The following MAPKAPK5 variants were observed in gnomAD, a reference collection of about 807,000 sequenced individuals.
MAPKAPK5 encodes MAP kinase-activated protein kinase 5.
Under a neutral mutation model 65.1 loss-of-function variants are expected in MAPKAPK5, and 30 were observed. That is an observed-to-expected ratio of 0.46 (90% CI 0.34 to 0.63). The LOEUF is 0.63. MAPKAPK5 is among the 20% of genes least tolerant of loss of function. The probability of loss-of-function intolerance (pLI) is 0.01; values close to 1 mark genes in which losing one functional copy is unlikely to be tolerated. For synonymous variants in MAPKAPK5, 179 were observed against 204.6 expected, an observed-to-expected ratio of 0.87 and a Z score of 1.07; for missense variants, 433 against 581.4, an observed-to-expected ratio of 0.74 and a Z score of 2.63.
chr12:111,865,470 T>C, intron 2 of MAPKAPK5, 147 bp downstream of exon 2: 1 of 636,340 alleles, frequency 1.6e-6, no homozygotes, highest in Non-Finnish European at 2.8e-6. Context: ...GTTTTTATGT[T>C]AGGCTTTTTC....
intron 1 of MAPKAPK5, among the ~76,000 whole-genome samples, chr12:111,846,324 A>T (rs886617401): frequency 6.6e-5 from 10 of 152,208 alleles, no homozygotes; most frequent in African/African-American, 2.4e-4. Flanking sequence ...GCCTCCAGCC[A>T]CAACACTTTA....
chr12:111,889,196 A>G (rs1429315053), intron 12 of MAPKAPK5, 196 bp downstream of exon 12: 17 of 514,382 alleles, frequency 3.3e-5, no homozygotes, highest in Admixed American at 1.1e-4. Flanking sequence ...GAGCTTAGAA[A>G]TGCAGTTAAG....
intron 1 of MAPKAPK5, among the ~76,000 whole-genome samples, chr12:111,850,905 T>C (rs1017612490): frequency 1.0e-5 from 1 of 98,776 alleles, no homozygotes; most frequent in Non-Finnish European, 2.1e-5. Context: ...TTTTCTTTTT[T>C]TTTTTTTTTT....
chr12:111,874,410 T>A (rs910820728), intron 7 of MAPKAPK5, among the ~76,000 whole-genome samples: 3 of 151,176 alleles, frequency 2.0e-5, no homozygotes, highest in Non-Finnish European at 4.4e-5. Context: ...AAAAAAAAAT[T>A]CATTTTCTAA....
intron 7 of MAPKAPK5, among the ~76,000 whole-genome samples, chr12:111,877,821 T>C (rs2070040465): frequency 6.6e-6 from 1 of 151,796 alleles, no homozygotes; most frequent in Non-Finnish European, 1.5e-5. Context: ...GCTGGGACCA[T>C]AGGCATACGC....
chr12:111,882,622 G>C (rs567213878), intron 8 of MAPKAPK5, among the ~76,000 whole-genome samples: 3 of 152,218 alleles, frequency 2.0e-5, no homozygotes. Flanking sequence ...CCTTTATGCA[G>C]TGATATAGGC....
At chr12:111,872,170 C>A (rs189064783) in intron 7 of MAPKAPK5, among the ~76,000 whole-genome samples, 25 of 152,240 alleles carry the variant, frequency 1.6e-4, no homozygotes, top group African/African-American at 6.0e-4. Flanking sequence ...GGGACATGTT[C>A]CCCCATGCCC....
chr12:111,879,965 C>A (rs1373508994), intron 7 of MAPKAPK5: 1 of 189,236 alleles, frequency 5.3e-6, no homozygotes, highest in Non-Finnish European at 1.1e-5. Flanking sequence ...AATGTTGTGA[C>A]CCCCTCTGGA....
chr12:111,886,140 G>A lies in MAPKAPK5; in HGVS notation c.969+104G>A. On this transcript the variant is annotated intron_variant, in intron 10 of 13. Transcript: ENST00000550735. Reference sequence around the variant, plus strand: ...AGAGGCAAAACAGTGCAGAGTACACGATCCTTCCCAGAGAAACATCTCTGG... The same window carrying A: ...AGAGGCAAAACAGTGCAGAGTACACAATCCTTCCCAGAGAAACATCTCTGG... 7 of 1,478,894 alleles carry A rather than the reference G, an allele frequency of 4.7e-6. No individual in the cohort carries two copies. In the East Asian group the frequency reaches 1.4e-4, roughly 29 times the overall value. The allele number at this position is 1,478,894 out of a possible 1,614,324, so 91.6% of individuals were successfully genotyped here.
At chr12:111,860,494 C>G (rs1354701463) in intron 1 of MAPKAPK5, among the ~76,000 whole-genome samples, 1 of 152,228 alleles carries the variant, frequency 6.6e-6, no homozygotes, top group Admixed American at 6.5e-5. Flanking sequence ...TTTCCATCCA[C>G]ATTCACCACT....
At position 111,900,347 on chromosome 12, in the gene MAPKAPK5, A is replaced by T. The variant is rs139354009; in HGVS notation, c.*7286A>T. The T allele has an allele frequency of 4.4e-6, 2 of 456,082 alleles. No individual in the cohort carries two copies. The highest frequency in any genetic ancestry group is 8.8e-6 in the Non-Finnish European group (2 of 226,784). 28.3% of individuals were successfully genotyped at this position (456,082 alleles called of 1,614,324 possible). ...ATCATGAAGATGTGCTGTTGTTTGC[A>T]GCCCTGATGGCCCATGAGCTCGGGC... On this transcript the variant is annotated 3_prime_UTR_variant, in exon 14 of 14. Transcript: ENST00000550735.
chr12:111,842,951 GGT>G (rs1295402098), intron 1 of MAPKAPK5, 182 bp downstream of exon 1: 1 of 471,790 alleles, frequency 2.1e-6, no homozygotes, highest in African/African-American at 2.0e-5. Context: ...TGTGGGTGTA[GGT>G]GTGTGTCCGA....
intron 1 of MAPKAPK5, chr12:111,843,161 C>T: frequency 5.0e-6 from 2 of 398,650 alleles, no homozygotes; most frequent in East Asian, 3.6e-5. Flanking sequence ...ATTTATCCAT[C>T]CCTCCCGATT....
intron 9 of MAPKAPK5, 69 bp from the exon 10 acceptor site, chr12:111,885,847 G>A: frequency 6.2e-7 from 1 of 1,604,724 alleles, no homozygotes; most frequent in Non-Finnish European, 8.5e-7. Context: ...TTAGAGCCAG[G>A]TCCAGGAACT....
At position 111,885,971 on chromosome 12, in the gene MAPKAPK5, C is replaced by G. The variant is rs1209613106; in HGVS notation, c.904C>G (p.Pro302Ala). 2.5e-6 allele frequency: 4 copies of G among 1,613,918 alleles called. No homozygotes were observed. Among genetic ancestry groups the G allele is most frequent in the Non-Finnish European group, 3.4e-6 (4 of 1,179,862 alleles). Residue 302 changes from proline (P) to alanine (A), a missense_variant, in exon 10 of 14, where the codon CCC (proline) becomes GCC (alanine). By Grantham distance (27) the Pro-to-Ala change is conservative. Around this residue, in one of 3 missense-constraint regions of MAPKAPK5, gnomAD observed 169 missense variants for 215.6 expected, o/e 0.78. Transcript: ENST00000550735. Reference sequence around the variant, plus strand: ...CACCATCGAGGGAGTGCTGGACCACCCCTGGCTCAATTCCACCGAGGCCCT... The same window carrying G: ...CACCATCGAGGGAGTGCTGGACCACGCCTGGCTCAATTCCACCGAGGCCCT... Reference protein sequence around the residue: ...RLTIEGVLDHPWLNSTEALDN... With the variant: ...RLTIEGVLDHAWLNSTEALDN...
rs977830855 is a variant in MAPKAPK5, at chr12:111,899,746, A to G, written c.*6685A>G. 1.2e-5 allele frequency: 4 copies of G among 337,222 alleles called. No homozygotes were observed. Among genetic ancestry groups the G allele is most frequent in the Admixed American group, 3.7e-5 (1 of 26,778 alleles). The allele number at this position is 337,222 out of a possible 1,614,324, so 20.9% of individuals were successfully genotyped here. ...GTGTCAGGTTCTTTTGTTTCTGTCAACATCTGTGCAGGTCTCAGGGGCACA... is the reference window on the plus strand; with the variant it reads ...GTGTCAGGTTCTTTTGTTTCTGTCAGCATCTGTGCAGGTCTCAGGGGCACA... On this transcript the variant is annotated 3_prime_UTR_variant, in exon 14 of 14. Transcript: ENST00000550735.
In MAPKAPK5 at chr12:111,901,758, TG is replaced by T. The variant is rs1466770053; in HGVS notation, c.*8700del. ...TATATCAAACTCCTCAAGTACTGAGTGGGAATGAGATGTTTGGTGAAGTAGA... is the reference window on the plus strand; with the variant it reads ...TATATCAAACTCCTCAAGTACTGAGTGGAATGAGATGTTTGGTGAAGTAGA... On this transcript the variant is annotated 3_prime_UTR_variant, in exon 14 of 14. Transcript: ENST00000550735. 1 of 201,604 alleles carries T rather than the reference TG, an allele frequency of 5.0e-6. No homozygotes were observed. Among genetic ancestry groups the T allele is most frequent in the Non-Finnish European group, 1.0e-5 (1 of 98,550 alleles). The allele number at this position is 201,604 out of a possible 1,614,324, so 12.5% of individuals were successfully genotyped here. A position where few individuals can be genotyped will look rare whatever the true frequency, so the allele number is the denominator to read the frequency against.
chr12:111,876,980 A>C (rs2069999968), intron 7 of MAPKAPK5, among the ~76,000 whole-genome samples: 1 of 152,032 alleles, frequency 6.6e-6, no homozygotes, highest in African/African-American at 2.4e-5. Context: ...GCCACTGTAA[A>C]AGGTGTGAGG....
At chr12:111,891,379 G>GGT (rs1404731936) in intron 13 of MAPKAPK5, among the ~76,000 whole-genome samples, 1 of 151,652 alleles carries the variant, frequency 6.6e-6, no homozygotes, top group Non-Finnish European at 1.5e-5. Flanking sequence ...TGGGATTACA[G>GGT]GTGTGAGCCA....
Sources: gnomAD v4.1 joint callset for allele counts (sites outside exome capture counted in the v4.1 genomes callset) on GRCh38, gnomAD v4.1.1 for gene constraint, gnomAD v4.1.1 regional missense constraint, MANE v1.5 for transcripts, NCBI Gene and HGNC (gene_info 2026-07-23, HGNC 2026-07-21) for gene names.